The following SLC5A11 variants were observed in gnomAD, a reference collection of about 807,000 sequenced individuals.
The protein encoded by SLC5A11 is solute carrier family 5 member 11.
In SLC5A11, 48 loss-of-function variants were observed where a neutral mutation model predicts 69.8. That is an observed-to-expected ratio of 0.69 (90% CI 0.55 to 0.87). SLC5A11 has a LOEUF of 0.87. Among genes scored for constraint, SLC5A11 ranks in the 40% least tolerant of loss-of-function variants. The pLI is 0.00. For synonymous variants in SLC5A11, 319 were observed against 342.4 expected, an observed-to-expected ratio of 0.93 and a Z score of 0.75; for missense variants, 784 against 866.1, an observed-to-expected ratio of 0.91 and a Z score of 1.19.
chr16:24,858,733 G>C (rs751973662), exon 2 of SLC5A11: 2 of 1,611,698 alleles, frequency 1.2e-6, no homozygotes, highest in African/African-American at 1.3e-5. Flanking sequence ...GGGACATCGC[G>C]GTGCTAGTTC....
At chr16:24,860,913 T>C (rs1459057095) in intron 2 of SLC5A11, among the ~76,000 whole-genome samples, 1 of 152,032 alleles carries the variant, frequency 6.6e-6, no homozygotes, top group East Asian at 1.9e-4. Context: ...TTCACCGTGT[T>C]AGCCAGGATG....
chr16:24,854,417 C>T (rs1193941301), intron 1 of SLC5A11, among the ~76,000 whole-genome samples: 2 of 151,162 alleles, frequency 1.3e-5, no homozygotes, highest in African/African-American at 2.5e-5. Context: ...CATCACTCCC[C>T]CTGTAAAGTA....
chr16:24,870,045 T>G, intron 4 of SLC5A11, 40 bp downstream of exon 5: 1 of 1,379,114 alleles, frequency 7.3e-7, no homozygotes, highest in Non-Finnish European at 1.0e-6. Flanking sequence ...ATCTTACCTC[T>G]ACCTAACAGG....
At chr16:24,876,750 G>C (rs952370910) in intron 6 of SLC5A11, among the ~76,000 whole-genome samples, 1 of 152,232 alleles carries the variant, frequency 6.6e-6, no homozygotes, top group African/African-American at 2.4e-5. Context: ...GGAACTTACA[G>C]TTAGAGAAAG....
At chr16:24,862,961 A>G (rs1026621576) in intron 3 of SLC5A11, among the ~76,000 whole-genome samples, 2 of 138,734 alleles carry the variant, frequency 1.4e-5, no homozygotes, top group Non-Finnish European at 3.0e-5. Context: ...ATATAATTAT[A>G]TATTATATAA....
At chr16:24,860,433 G>A (rs1355037770) in intron 2 of SLC5A11, among the ~76,000 whole-genome samples, 1 of 152,118 alleles carries the variant, frequency 6.6e-6, no homozygotes, top group East Asian at 1.9e-4. Flanking sequence ...TCCAGCTTGA[G>A]CAACAAGAGT....
intron 1 of SLC5A11, among the ~76,000 whole-genome samples, chr16:24,854,035 C>G (rs1366966151): frequency 6.6e-6 from 1 of 152,112 alleles, no homozygotes; most frequent in Non-Finnish European, 1.5e-5. Context: ...GGAATCGGTG[C>G]CAGTTTCGCC....
rs1458236937 is a variant in SLC5A11 at position 24,904,600 on chromosome 16, G to A, written c.1007-2057G>A. 2.6e-5 allele frequency among the ~76,000 whole-genome samples: 4 copies of A among 152,128 alleles called. No individual in the cohort carries two copies. The East Asian group carries it at 7.7e-4, about 29-fold the overall frequency. Reference sequence around the variant, plus strand: ...CCAGGTCTAAAGGGCCAGTTTCAGGGCCAAGCACTCTGCCTCCCTATTTGC... The same window carrying A: ...CCAGGTCTAAAGGGCCAGTTTCAGGACCAAGCACTCTGCCTCCCTATTTGC... On this transcript the variant is annotated intron_variant, in intron 10 of 15. Coordinates refer to ENST00000347898, the Ensembl canonical transcript of SLC5A11.
chr16:24,877,970 C>T lies in SLC5A11; in HGVS notation c.583+607C>T, dbSNP rs778209164. 5.3e-5 allele frequency among the ~76,000 whole-genome samples: 8 copies of T among 151,908 alleles called. 1 individual carries two copies. The highest frequency in any genetic ancestry group is 2.6e-4 in the Admixed American group (4 of 15,238). On this transcript the variant is annotated intron_variant, in intron 7 of 15. Transcript: ENST00000347898. ...CTGCACTCCAGCCTGGGTGACAGAGCGAGACACCAGCTCACAACTACAACA... is the reference window on the plus strand; with the variant it reads ...CTGCACTCCAGCCTGGGTGACAGAGTGAGACACCAGCTCACAACTACAACA...
At chr16:24,854,346 G>A (rs1405312320) in intron 1 of SLC5A11, among the ~76,000 whole-genome samples, 1 of 152,118 alleles carries the variant, frequency 6.6e-6, no homozygotes, top group South Asian at 2.1e-4. Context: ...GACTGGATTC[G>A]AGTCCCAGCT....
Position 24,911,038 on chromosome 16 carries a change from G to A in SLC5A11, c.1823-290G>A, listed in dbSNP as rs113625008. ...ATAAAAATTAGCCGGGCATGGTAGC[G>A]CATGCCTATAGTCCCAGCTACTTGG... On this transcript the variant is annotated intron_variant, in intron 15 of 15. Coordinates refer to ENST00000347898, the Ensembl canonical transcript of SLC5A11. 7.9e-3 allele frequency among the ~76,000 whole-genome samples: 1,204 copies of A among 151,990 alleles called. 8 individuals carry two copies. The highest frequency in any genetic ancestry group is 0.014 in the Middle Eastern group (4 of 294).
chr16:24,907,233 A>G, intron 12 of SLC5A11, 58 bp downstream of exon 13: 3 of 1,593,774 alleles, frequency 1.9e-6, no homozygotes, highest in Non-Finnish European at 2.6e-6. Flanking sequence ...GCCCACCCAG[A>G]GGCAAAGTCC....
At chr16:24,875,261 C>T (rs1350439037) in intron 5 of SLC5A11, among the ~76,000 whole-genome samples, 2 of 152,188 alleles carry the variant, frequency 1.3e-5, no homozygotes, top group East Asian at 1.9e-4. Flanking sequence ...TCACTGCACC[C>T]GCGACCTCCT....
At chr16:24,910,127 G>A (rs914795064) in intron 14 of SLC5A11, among the ~76,000 whole-genome samples, 179 bp from the exon 16 acceptor site, 9 of 137,448 alleles carry the variant, frequency 6.5e-5, no homozygotes, top group East Asian at 2.5e-4. Flanking sequence ...GGAATTGTGC[G>A]CTGATGTTGA....
intron 3 of SLC5A11, among the ~76,000 whole-genome samples, chr16:24,863,644 A>C (rs906207720): frequency 6.7e-6 from 1 of 148,818 alleles, no homozygotes; most frequent in Non-Finnish European, 1.5e-5. Context: ...AGCTATGAGA[A>C]GTGAAGCAAA....
intron 1 of SLC5A11, among the ~76,000 whole-genome samples, chr16:24,850,188 G>A (rs1446514122): frequency 1.3e-5 from 2 of 152,020 alleles, no homozygotes; most frequent in African/African-American, 4.8e-5. Context: ...GGCCTCAAGC[G>A]ATCTTCATGC....
chr16:24,875,653 G>T, exon 6 of SLC5A11: 1 of 1,613,884 alleles, frequency 6.2e-7, no homozygotes, highest in Non-Finnish European at 8.5e-7. Context: ...AATACCTACG[G>T]AAGCGCTTCG....
At chr16:24,894,431 C>T (rs527472974) in intron 9 of SLC5A11, among the ~76,000 whole-genome samples, 1 of 152,298 alleles carries the variant, frequency 6.6e-6, no homozygotes, top group South Asian at 2.1e-4. Flanking sequence ...AATCATGGCC[C>T]CTCCTCCCCA....
intron 8 of SLC5A11, among the ~76,000 whole-genome samples, chr16:24,889,273 A>G (rs1597196391): frequency 1.3e-5 from 2 of 152,148 alleles, no homozygotes; most frequent in Non-Finnish European, 2.9e-5. Context: ...GCTTGAGCCT[A>G]GGAGTTCGAG....
Sources: gnomAD v4.1 joint callset for allele counts (sites outside exome capture counted in the v4.1 genomes callset) on GRCh38, gnomAD v4.1.1 for gene constraint, MANE v1.5 for transcripts, NCBI Gene and HGNC (gene_info 2026-07-23, HGNC 2026-07-21) for gene names.